Variants in ULK4 observed in about 807,000 individuals in gnomAD.
The protein encoded by ULK4 is inactive serine/threonine-protein kinase ULK4.
In ULK4, 133 loss-of-function variants were observed where a neutral mutation model predicts 160.6. The ratio of observed to expected loss-of-function variants is 0.83; its 90% CI spans 0.72 to 0.96. The LOEUF is 0.96. Ranked by LOEUF, ULK4 falls within the 40% of genes least tolerant of loss-of-function variation. The pLI, the probability that ULK4 is intolerant of heterozygous loss-of-function variation, is 0.00. For missense variants in ULK4, 1,580 were observed against 1,499.5 expected, an observed-to-expected ratio of 1.05 and a Z score of -0.89; for synonymous variants, 534 against 539.8, an observed-to-expected ratio of 0.99 and a Z score of 0.15.
intron 34 of ULK4, among the ~76,000 whole-genome samples, chr3:41,412,297 G>A (rs2082424258): frequency 6.6e-6 from 1 of 150,880 alleles, no homozygotes; most frequent in Non-Finnish European, 1.5e-5. Flanking sequence ...TTAAATAAAT[G>A]GAAAGCTATA....
chr3:41,539,758 C>T lies in ULK4; in HGVS notation c.3226+26267G>A, dbSNP rs536758163. On this transcript the variant is annotated intron_variant, in intron 32 of 36. Coordinates refer to ENST00000301831, the MANE Select transcript of ULK4 (RefSeq NM_017886.4). Reference sequence around the variant, plus strand: ...ACTTACATCACATTACAGACAAATCCTTCCATGCCTCACCTCTCAACTGCT... The same window carrying T: ...ACTTACATCACATTACAGACAAATCTTTCCATGCCTCACCTCTCAACTGCT... Among the ~76,000 whole-genome samples the T allele has an allele frequency of 2.6e-5, 4 of 152,216 alleles. No individual in the cohort carries two copies. In the South Asian group the frequency reaches 8.3e-4, roughly 32 times the overall value.
intron 30 of ULK4, among the ~76,000 whole-genome samples, chr3:41,620,552 G>C (rs1242576386): frequency 6.6e-6 from 1 of 152,044 alleles, no homozygotes; most frequent in South Asian, 2.1e-4. Context: ...AAGGCCTTCA[G>C]TAAGATTCAA....
intron 30 of ULK4, among the ~76,000 whole-genome samples, chr3:41,618,444 G>T (rs1348987678): frequency 6.6e-6 from 1 of 152,162 alleles, no homozygotes; most frequent in Non-Finnish European, 1.5e-5. Context: ...AATACTATAA[G>T]CCACAAGAGC....
chr3:41,820,050 AT>A, intron 18 of ULK4, among the ~76,000 whole-genome samples: 1 of 152,322 alleles, frequency 6.6e-6, no homozygotes, highest in East Asian at 1.9e-4. Context: ...GATTAACCAA[AT>A]TAGTGTAATA....
chr3:41,460,106 C>T (rs756459235), intron 33 of ULK4, among the ~76,000 whole-genome samples: 4 of 152,134 alleles, frequency 2.6e-5, no homozygotes, highest in Non-Finnish European at 4.4e-5. Flanking sequence ...CCTAAAATAG[C>T]CCCCAACTAC....
At chr3:41,412,181 C>T (rs2082422385) in intron 34 of ULK4, among the ~76,000 whole-genome samples, 1 of 152,064 alleles carries the variant, frequency 6.6e-6, no homozygotes, top group Non-Finnish European at 1.5e-5. Context: ...TAAAACAATA[C>T]CAATATAATA....
Position 41,754,561 on chromosome 3 carries a change from A to G in ULK4, c.2194-73T>C, listed in dbSNP as rs2038735162. Reference sequence around the variant, plus strand: ...GGCAGTCTCAATTCTCAGAGTGAACAGACTATAATAATCAAGCAGATGGCA... The same window carrying G: ...GGCAGTCTCAATTCTCAGAGTGAACGGACTATAATAATCAAGCAGATGGCA... On this transcript the variant is annotated intron_variant, in intron 21 of 36. Coordinates refer to ENST00000301831, the MANE Select transcript of ULK4 (RefSeq NM_017886.4). The G allele has an allele frequency of 4.6e-5, 65 of 1,422,188 alleles. 1 individual carries two copies. In the South Asian group the frequency reaches 9.4e-4, roughly 21 times the overall value. 88.1% of individuals were successfully genotyped at this position (1,422,188 alleles called of 1,614,324 possible).
intron 32 of ULK4, among the ~76,000 whole-genome samples, chr3:41,558,642 T>G (rs1413055180): frequency 6.6e-6 from 1 of 151,466 alleles, no homozygotes; most frequent in Non-Finnish European, 1.5e-5. Context: ...AGGTGGAGAT[T>G]GCAGTGGGCC....
chr3:41,491,864 A>G (rs1189994110), intron 32 of ULK4, among the ~76,000 whole-genome samples: 2 of 151,384 alleles, frequency 1.3e-5, no homozygotes, highest in African/African-American at 2.4e-5. Flanking sequence ...TATACCTTCT[A>G]ATGCTATCCC....
intron 32 of ULK4, among the ~76,000 whole-genome samples, chr3:41,561,743 C>T (rs2087579402): frequency 6.6e-6 from 1 of 151,676 alleles, no homozygotes; most frequent in South Asian, 2.1e-4. Flanking sequence ...CTATTTGATT[C>T]TTCTCTCTTT....
At chr3:41,541,035 T>G (rs1182975229) in intron 32 of ULK4, among the ~76,000 whole-genome samples, 1 of 152,220 alleles carries the variant, frequency 6.6e-6, no homozygotes, top group East Asian at 1.9e-4. Flanking sequence ...TTAGTTTAAT[T>G]ACATCCCATT....
At chr3:41,897,427 A>G (rs78844631) in intron 14 of ULK4, among the ~76,000 whole-genome samples, 7,129 of 152,266 alleles carry the variant, frequency 0.047, 328 homozygotes, top group African/African-American at 0.12. Flanking sequence ...AATAACGAGA[A>G]TAACATGATA....
At chr3:41,395,495 C>T (rs574461696) in intron 35 of ULK4, among the ~76,000 whole-genome samples, 21 of 152,066 alleles carry the variant, frequency 1.4e-4, no homozygotes, top group Non-Finnish European at 2.2e-4. Flanking sequence ...ACCTTGAAGC[C>T]ACATACCAAG....
intron 18 of ULK4, among the ~76,000 whole-genome samples, chr3:41,831,643 T>C (rs897358312): frequency 3.3e-5 from 5 of 151,882 alleles, no homozygotes; most frequent in African/African-American, 1.2e-4. Flanking sequence ...CAACCCATCA[T>C]CTAGGTTTTA....
At chr3:41,507,887 T>C (rs189822277) in intron 32 of ULK4, among the ~76,000 whole-genome samples, 202 of 152,248 alleles carry the variant, frequency 1.3e-3, no homozygotes, top group African/African-American at 4.5e-3. Context: ...TTGTGAACAT[T>C]TGCTCCAAGA....
intron 5 of ULK4, among the ~76,000 whole-genome samples, chr3:41,920,964 G>C (rs907317313): frequency 2.0e-5 from 3 of 152,188 alleles, no homozygotes; most frequent in African/African-American, 4.8e-5. Flanking sequence ...TGTTGAATAT[G>C]AATGTTTGTC....
At chr3:41,768,740 T>G (rs528616356) in intron 21 of ULK4, among the ~76,000 whole-genome samples, 1 of 152,322 alleles carries the variant, frequency 6.6e-6, no homozygotes, top group South Asian at 2.1e-4. Context: ...TTTGGGTGGT[T>G]TGTTACACAG....
intron 35 of ULK4, among the ~76,000 whole-genome samples, chr3:41,349,797 G>T (rs557317374): frequency 6.6e-5 from 10 of 152,206 alleles, no homozygotes; most frequent in African/African-American, 2.4e-4. Flanking sequence ...CTTGCTATAT[G>T]AAATGCAGAA....
At chr3:41,425,923 A>G (rs953947199) in intron 34 of ULK4, among the ~76,000 whole-genome samples, 1 of 152,238 alleles carries the variant, frequency 6.6e-6, no homozygotes, top group Non-Finnish European at 1.5e-5. Context: ...AAATTCACAC[A>G]TAACAATATC....
Sources: allele counts gnomAD v4.1 joint callset (sites outside exome capture counted in the v4.1 genomes callset), GRCh38; gene constraint gnomAD v4.1.1; transcripts MANE v1.5; gene names NCBI Gene and HGNC (gene_info 2026-07-23, HGNC 2026-07-21).